CADM2: variants seen among roughly 807,000 people sequenced by gnomAD.
CADM2 encodes cell adhesion molecule 2.
A neutral mutation model predicts 49.8 loss-of-function variants in CADM2; 12 were observed. The observed-to-expected ratio is 0.24, with a 90% CI of 0.15 to 0.39. The LOEUF (loss-of-function observed/expected upper bound fraction) is 0.39. Ranked by LOEUF, CADM2 falls within the 10% of genes least tolerant of loss-of-function variation. CADM2 has a pLI of 1.00. For missense variants in CADM2, 378 were observed against 492.3 expected (o/e 0.77, Z 2.20); for synonymous variants, 214 against 175.4 (o/e 1.22, Z -1.74).
intron 1 of CADM2, among the ~76,000 whole-genome samples, chr3:85,635,118 C>T (rs1306209705): frequency 6.6e-6 from 1 of 152,034 alleles, no homozygotes; most frequent in African/African-American, 2.4e-5. Flanking sequence ...GTGGATACTT[C>T]TTAAGGTCTC....
rs1217023520 is a variant in CADM2, at chr3:86,069,530, A to C, written c.*2747A>C. The C allele has an allele frequency of 6.6e-6, 1 of 152,038 alleles. No individual in the cohort carries two copies. Among genetic ancestry groups the C allele is most frequent in the South Asian group, 2.1e-4 (1 of 4,834 alleles). 9.4% of individuals were successfully genotyped at this position (152,038 alleles called of 1,614,324 possible). A position where few individuals can be genotyped will look rare whatever the true frequency, so the allele number is the denominator to read the frequency against. On this transcript the variant is annotated 3_prime_UTR_variant, in exon 10 of 10. Coordinates refer to ENST00000383699, the MANE Select transcript of CADM2 (RefSeq NM_001167675.2). Reference sequence around the variant, plus strand: ...ACCAAACAAAAAATAAATTGTAAAAATTATGCTCATTTCTATTCCAACAAG... The same window carrying C: ...ACCAAACAAAAAATAAATTGTAAAACTTATGCTCATTTCTATTCCAACAAG...
chr3:85,118,743 A>G (rs1274724715), intron 1 of CADM2, among the ~76,000 whole-genome samples: 1 of 152,022 alleles, frequency 6.6e-6, no homozygotes, highest in Non-Finnish European at 1.5e-5. Flanking sequence ...ATTTATTTAT[A>G]TTTATTTATT....
At chr3:85,777,700 A>G (rs1170445295) in intron 2 of CADM2, among the ~76,000 whole-genome samples, 1 of 152,196 alleles carries the variant, frequency 6.6e-6, no homozygotes, top group Non-Finnish European at 1.5e-5. Flanking sequence ...GAGATCTTCC[A>G]CACTGGCATT....
At chr3:85,201,125 T>C (rs1320187603) in intron 1 of CADM2, among the ~76,000 whole-genome samples, 3 of 152,204 alleles carry the variant, frequency 2.0e-5, no homozygotes, top group Admixed American at 2.0e-4. Flanking sequence ...CTGCAAATGA[T>C]TTAATCAAAC....
intron 1 of CADM2, among the ~76,000 whole-genome samples, chr3:85,609,378 T>C (rs1023708857): frequency 6.6e-6 from 1 of 152,148 alleles, no homozygotes; most frequent in African/African-American, 2.4e-5. Context: ...TTTTGTTATG[T>C]TCCTTAAGCA....
At chr3:85,074,060 ATTGTAAGTT>A (rs2036854583) in intron 1 of CADM2, among the ~76,000 whole-genome samples, 1 of 152,142 alleles carries the variant, frequency 6.6e-6, no homozygotes, top group Non-Finnish European at 1.5e-5. Context: ...TTTTGAAGGC[ATTGTAAGTT>A]CATGTGACTA....
chr3:86,018,816 A>G (rs1732700695), intron 8 of CADM2, among the ~76,000 whole-genome samples: 1 of 151,174 alleles, frequency 6.6e-6, no homozygotes, highest in African/African-American at 2.4e-5. Context: ...ATTTTCTCCC[A>G]TTTTGTAGGT....
At chr3:85,720,756 G>T (rs1253690552) in intron 1 of CADM2, among the ~76,000 whole-genome samples, 4 of 152,100 alleles carry the variant, frequency 2.6e-5, no homozygotes, top group Non-Finnish European at 5.9e-5. Flanking sequence ...GTTTAACTTT[G>T]TGTTTGATGA....
intron 1 of CADM2, among the ~76,000 whole-genome samples, chr3:85,648,602 T>C (rs1236447213): frequency 6.6e-6 from 1 of 152,008 alleles, no homozygotes; most frequent in Non-Finnish European, 1.5e-5. Flanking sequence ...TATAACTTTG[T>C]TAAATTATAT....
At chr3:85,166,034 C>T (rs2040462839) in intron 1 of CADM2, among the ~76,000 whole-genome samples, 2 of 151,418 alleles carry the variant, frequency 1.3e-5, no homozygotes, top group Admixed American at 6.6e-5. Context: ...ATTCTATTAA[C>T]CCAACATGTA....
At chr3:85,111,764 G>A (rs544951700) in intron 1 of CADM2, among the ~76,000 whole-genome samples, 2 of 151,954 alleles carry the variant, frequency 1.3e-5, no homozygotes, top group African/African-American at 4.8e-5. Flanking sequence ...TGGATTATTT[G>A]TAACTCAAAG....
intron 8 of CADM2, among the ~76,000 whole-genome samples, chr3:86,044,123 A>C (rs1248527100): frequency 6.6e-6 from 1 of 152,132 alleles, no homozygotes; most frequent in Non-Finnish European, 1.5e-5. Flanking sequence ...AGAAAACCTA[A>C]GCAATACCAT....
chr3:85,609,306 A>G (rs548111573), intron 1 of CADM2, among the ~76,000 whole-genome samples: 2 of 152,152 alleles, frequency 1.3e-5, no homozygotes, highest in Non-Finnish European at 2.9e-5. Context: ...TCCTGGACCT[A>G]TATTAACTAC....
intron 7 of CADM2, among the ~76,000 whole-genome samples, chr3:85,948,173 A>G (rs988225744): frequency 8.6e-5 from 13 of 151,644 alleles, no homozygotes; most frequent in South Asian, 4.2e-4. Flanking sequence ...GTGTTTATAT[A>G]GCAAATTCAA....
Position 85,911,372 on chromosome 3 carries a change from C to T in CADM2, c.530-1001C>T, listed in dbSNP as rs550216654. Among the ~76,000 whole-genome samples the T allele has an allele frequency of 2.0e-5, 3 of 152,130 alleles. No individual in the cohort carries two copies. The East Asian group carries it at 5.8e-4, about 29-fold the overall frequency. On this transcript the variant is annotated intron_variant, in intron 5 of 9. Transcript: ENST00000383699. ...AATAGTCCCTTAGTGCACCATTTAA[C>T]GATGGATCTAAATCATGCACAGCAA...
intron 1 of CADM2, among the ~76,000 whole-genome samples, chr3:85,061,230 C>A (rs758046383): frequency 6.6e-6 from 1 of 151,652 alleles, no homozygotes; most frequent in South Asian, 2.1e-4. Flanking sequence ...GAAAATATAC[C>A]CTTGTCAATA....
intron 1 of CADM2, among the ~76,000 whole-genome samples, chr3:85,039,930 A>G (rs1385370683): frequency 1.3e-5 from 2 of 152,212 alleles, no homozygotes; most frequent in Non-Finnish European, 2.9e-5. Flanking sequence ...CTTTATACTT[A>G]ATAAAAAGCA....
chr3:85,527,221 C>T (rs1038391946), intron 1 of CADM2, among the ~76,000 whole-genome samples: 2 of 151,626 alleles, frequency 1.3e-5, no homozygotes, highest in African/African-American at 4.8e-5. Flanking sequence ...ATGGTCTCTA[C>T]AAAATATTTA....
At chr3:85,793,205 T>C (rs541279719) in intron 2 of CADM2, among the ~76,000 whole-genome samples, 4 of 152,346 alleles carry the variant, frequency 2.6e-5, no homozygotes, top group African/African-American at 9.6e-5. Flanking sequence ...TTCAGGATAT[T>C]GAATCATTGC....
Sources: gnomAD v4.1 joint callset for allele counts (sites outside exome capture counted in the v4.1 genomes callset) on GRCh38, gnomAD v4.1.1 for gene constraint, MANE v1.5 for transcripts, NCBI Gene and HGNC (gene_info 2026-07-23, HGNC 2026-07-21) for gene names.